CA10: variants seen among roughly 807,000 people sequenced by gnomAD.
CA10 encodes carbonic anhydrase 10 (inactive).
A neutral mutation model predicts 44.2 loss-of-function variants in CA10; 14 were observed. The ratio of observed to expected loss-of-function variants is 0.32; its 90% confidence interval spans 0.21 to 0.50. CA10 has a LOEUF of 0.50. Among genes scored for constraint, CA10 ranks in the 20% least tolerant of loss-of-function variants. CA10 has a pLI of 0.99. For synonymous variants in CA10, 159 were observed against 141.6 expected, an observed-to-expected ratio of 1.12 and a Z score of -0.87; for missense variants, 350 against 409.7, an observed-to-expected ratio of 0.85 and a Z score of 1.26.
intron 3 of CA10, among the ~76,000 whole-genome samples, chr17:51,930,253 A>G (rs536254310): frequency 6.6e-6 from 1 of 152,236 alleles, no homozygotes; most frequent in South Asian, 2.1e-4. Context: ...TTACCTTTGA[A>G]CACAATTTTC....
chr17:51,747,897 A>G (rs1904759804), intron 3 of CA10, 79 bp from the exon 4 acceptor site: 2 of 1,118,758 alleles, frequency 1.8e-6, no homozygotes, highest in Admixed American at 2.3e-5. Context: ...TGCTTGGATC[A>G]ACACCTTTTG....
At chr17:51,978,930 C>T (rs999893692) in intron 2 of CA10, among the ~76,000 whole-genome samples, 6 of 152,192 alleles carry the variant, frequency 3.9e-5, no homozygotes, top group African/African-American at 1.4e-4. Flanking sequence ...ATTCAAATTA[C>T]CCATAAGAAG....
chr17:52,041,462 A>C (rs1986766865), intron 2 of CA10, among the ~76,000 whole-genome samples: 1 of 152,212 alleles, frequency 6.6e-6, no homozygotes, highest in East Asian at 1.9e-4. Context: ...ATTGACAAAT[A>C]AAAATTGTAT....
intron 3 of CA10, among the ~76,000 whole-genome samples, chr17:51,789,599 A>G (rs1906431618): frequency 1.3e-5 from 2 of 152,048 alleles, no homozygotes; most frequent in Non-Finnish European, 2.9e-5. Flanking sequence ...ATACTCCCTC[A>G]GTTTTGAAGC....
intron 3 of CA10, among the ~76,000 whole-genome samples, chr17:51,808,844 T>C (rs1245579759): frequency 6.6e-6 from 1 of 152,212 alleles, no homozygotes; most frequent in Non-Finnish European, 1.5e-5. Context: ...ATTTTCCTAC[T>C]TTTCTGTATT....
intron 4 of CA10, among the ~76,000 whole-genome samples, chr17:51,714,675 G>C (rs11650596): frequency 6.6e-6 from 1 of 151,962 alleles, no homozygotes. Flanking sequence ...GATGGGAGAA[G>C]CTTAGTTTAG....
chr17:52,137,237 A>T (rs1989379772), intron 1 of CA10, among the ~76,000 whole-genome samples: 1 of 152,126 alleles, frequency 6.6e-6, no homozygotes, highest in Non-Finnish European at 1.5e-5. Flanking sequence ...GAATTTGGTC[A>T]TATTTCCTAA....
intron 2 of CA10, among the ~76,000 whole-genome samples, chr17:51,972,289 C>A (rs113364018): frequency 3.3e-5 from 5 of 152,070 alleles, no homozygotes; most frequent in African/African-American, 1.2e-4. Context: ...CATAATTTGT[C>A]ATTTTACTTT....
At chr17:51,876,364 G>C (rs2040725) in intron 3 of CA10, among the ~76,000 whole-genome samples, 2 of 138,120 alleles carry the variant, frequency 1.4e-5, no homozygotes, top group East Asian at 4.1e-4. Context: ...TTTTTTTTTG[G>C]TAGAGATGAG....
intron 2 of CA10, among the ~76,000 whole-genome samples, chr17:51,936,290 T>C (rs1356272372): frequency 6.6e-6 from 1 of 152,160 alleles, no homozygotes; most frequent in Non-Finnish European, 1.5e-5. Flanking sequence ...ATATGGGAGA[T>C]AAACAAGTTT....
In CA10 at chr17:52,048,967, A is replaced by G. The variant is rs540322950; in HGVS notation, c.136+23352T>C. On this transcript the variant is annotated intron_variant, in intron 2 of 8. Coordinates refer to ENST00000451037, the MANE Select transcript of CA10 (RefSeq NM_020178.5). ...CTAAAAAATGATTGAAGAAAATAAA[A>G]ACAAGGTAGGGGTTTATCACAATAT... Among the ~76,000 whole-genome samples, 27 of 152,200 alleles carry G rather than the reference A, an allele frequency of 1.8e-4. 2 individuals carry two copies. In the East Asian group the frequency reaches 5.2e-3, roughly 29 times the overall value.
At chr17:51,673,179 C>A (rs1914489032) in intron 4 of CA10, among the ~76,000 whole-genome samples, 1 of 152,186 alleles carries the variant, frequency 6.6e-6, no homozygotes, top group Admixed American at 6.5e-5. Flanking sequence ...CTAGCCCCAG[C>A]CAGCCCTGGA....
At chr17:51,752,805 A>G (rs896267734) in intron 3 of CA10, among the ~76,000 whole-genome samples, 2 of 152,148 alleles carry the variant, frequency 1.3e-5, no homozygotes, top group Non-Finnish European at 2.9e-5. Flanking sequence ...AGGCACCTGC[A>G]GCTACTCGGA....
chr17:51,777,785 A>T (rs566771809), intron 3 of CA10, among the ~76,000 whole-genome samples: 1 of 152,300 alleles, frequency 6.6e-6, no homozygotes, highest in African/African-American at 2.4e-5. Context: ...AAAAATATTT[A>T]GCCAGGCGTG....
intron 1 of CA10, among the ~76,000 whole-genome samples, chr17:52,095,374 A>C (rs1988378053): frequency 6.6e-6 from 1 of 152,118 alleles, no homozygotes; most frequent in African/African-American, 2.4e-5. Context: ...AGTGATGAAA[A>C]TGTTCCATAT....
chr17:51,800,540 TTTAAAG>T lies in CA10; in HGVS notation c.280-52728_280-52723del, dbSNP rs563737548. Among the ~76,000 whole-genome samples the T allele has an allele frequency of 5.6e-3, 860 of 152,296 alleles. 8 individuals are homozygous for T. Among genetic ancestry groups the T allele is most frequent in the African/African-American group, 0.02 (814 of 41,554 alleles). On this transcript the variant is annotated intron_variant, in intron 3 of 8. Transcript: ENST00000451037. ...AACAAGAACCAAATGAGATAATTCC[TTTAAAG>T]TTACTCAGCACAGTACCTTACAACC...
At chr17:51,693,417 T>G (rs1240744099) in intron 4 of CA10, among the ~76,000 whole-genome samples, 1 of 152,184 alleles carries the variant, frequency 6.6e-6, no homozygotes, top group East Asian at 1.9e-4. Context: ...GATGCTGAGT[T>G]TGGGGTATGA....
At chr17:51,954,352 C>G (rs1169539723) in intron 2 of CA10, among the ~76,000 whole-genome samples, 3 of 152,098 alleles carry the variant, frequency 2.0e-5, no homozygotes, top group African/African-American at 7.2e-5. Context: ...TTAGCACAAG[C>G]CAACCATCTC....
At chr17:51,964,236 T>C (rs1409308058) in intron 2 of CA10, among the ~76,000 whole-genome samples, 1 of 151,954 alleles carries the variant, frequency 6.6e-6, no homozygotes, top group East Asian at 1.9e-4. Flanking sequence ...TATATATGCA[T>C]CCAACATTGG....
Sources: gnomAD v4.1 joint callset for allele counts (sites outside exome capture counted in the v4.1 genomes callset) on GRCh38, gnomAD v4.1.1 for gene constraint, MANE v1.5 for transcripts, NCBI Gene and HGNC (gene_info 2026-07-23, HGNC 2026-07-21) for gene names.